The following RYR3 variants were observed in gnomAD, a reference collection of about 807,000 sequenced individuals.
The protein encoded by RYR3 is ryanodine receptor 3, also known as brain ryanodine receptor-calcium release channel.
A neutral mutation model predicts 584.3 loss-of-function variants in RYR3; 207 were observed. That is an observed-to-expected ratio of 0.35 (90% CI 0.32 to 0.40). The LOEUF (loss-of-function observed/expected upper bound fraction) is 0.40. Among genes scored for constraint, RYR3 ranks in the 10% least tolerant of loss-of-function variants. RYR3 has a pLI of 1.00. For missense variants in RYR3, 5,616 were observed against 6,089.2 expected (o/e 0.92, Z 2.59); for synonymous variants, 2,416 against 2,248.5 (o/e 1.07, Z -2.11).
rs566690291 is a variant in RYR3, at chr15:33,381,179, G to A, written c.51+70083G>A. 1.4e-4 allele frequency among the ~76,000 whole-genome samples: 22 copies of A among 152,238 alleles called. No homozygotes were observed. The South Asian group carries it at 2.5e-3, about 17-fold the overall frequency. On this transcript the variant is annotated intron_variant, in intron 1 of 103. Coordinates refer to ENST00000634891, the MANE Select transcript of RYR3 (RefSeq NM_001036.6). ...CCTCAGTTTGCTATCATCTGGTTCC[G>A]CCAATGTTTCCAACGCCTTCCTGCT...
At chr15:33,695,490 T>TC (rs1472636342) in intron 38 of RYR3, among the ~76,000 whole-genome samples, 1 of 152,148 alleles carries the variant, frequency 6.6e-6, no homozygotes, top group African/African-American at 2.4e-5. Flanking sequence ...GTGGTTTTTT[T>TC]CTCTTGATGC....
intron 16 of RYR3, among the ~76,000 whole-genome samples, chr15:33,598,587 ATG>A (rs2059504722): frequency 1.3e-5 from 2 of 151,742 alleles, no homozygotes; most frequent in Non-Finnish European, 2.9e-5. Flanking sequence ...TTACCTAGTG[ATG>A]GGTCTTAGGC....
In RYR3 at chr15:33,631,189, TCTC is replaced by T; in HGVS notation, c.2784-18_2784-16del. 3 of 1,497,848 alleles carry T rather than the reference TCTC, an allele frequency of 2.0e-6. No homozygotes were observed. In the South Asian group the frequency reaches 3.6e-5, roughly 18 times the overall value. 92.8% of individuals were successfully genotyped at this position (1,497,848 alleles called of 1,614,324 possible). A position where few individuals can be genotyped will look rare whatever the true frequency, so the allele number is the denominator to read the frequency against. The stretch of plus-strand genomic sequence containing the variant: ...CTAACACTGCAGTTAACCTTAGTCT[TCTC>T]CTTCTGTTGTGTCACAGAACCCTCT... On this transcript the variant is annotated intron_variant, in intron 22 of 103. Coordinates refer to ENST00000634891, the MANE Select transcript of RYR3 (RefSeq NM_001036.6).
chr15:33,545,912 G>T (rs563867769), intron 8 of RYR3, among the ~76,000 whole-genome samples: 7 of 152,146 alleles, frequency 4.6e-5, no homozygotes, highest in Non-Finnish European at 1.0e-4. Context: ...ACCCAGAGTG[G>T]AAACCCAAGA....
chr15:33,589,297 T>G (rs1595731566), intron 16 of RYR3, among the ~76,000 whole-genome samples: 1 of 152,204 alleles, frequency 6.6e-6, no homozygotes, highest in Non-Finnish European at 1.5e-5. Context: ...CACTTTTTAA[T>G]GGGATTATTT....
At position 33,757,546 on chromosome 15, in the gene RYR3, C is replaced by T; in HGVS notation, c.8655C>T (p.Pro2885=). Residue 2885 remains proline, a synonymous_variant, in exon 60 of 104, where the codon CCC becomes CCT. Transcript: ENST00000634891. The part of the protein sequence containing the change: ...CLYFLSSPLK[P]LSSSGYASHK... The stretch of plus-strand genomic sequence containing the variant: ...ACTTCTTGTCATCCCCTCTGAAGCC[C>T]CTTAGCAGCAGCGGATATGCCTCCC... 1 of 1,611,598 alleles carries T rather than the reference C, an allele frequency of 6.2e-7. No individual in the cohort carries two copies. Among genetic ancestry groups the T allele is most frequent in the Non-Finnish European group, 8.5e-7 (1 of 1,179,184 alleles).
At chr15:33,848,483 TC>T in intron 94 of RYR3, 62 bp downstream of exon 94, 1 of 1,529,666 alleles carries the variant, frequency 6.5e-7, no homozygotes, top group Non-Finnish European at 8.8e-7. Flanking sequence ...ATAGAGTAAC[TC>T]TTTCCTCCTG....
chr15:33,779,839 A>T (rs1423331114), intron 64 of RYR3, among the ~76,000 whole-genome samples: 1 of 21,460 alleles, frequency 4.7e-5, no homozygotes, highest in Non-Finnish European at 1.2e-4. Context: ...CGTCTCTACT[A>T]AAAAAAAAAA....
intron 67 of RYR3, among the ~76,000 whole-genome samples, chr15:33,792,514 C>T (rs1244344620): frequency 6.6e-6 from 1 of 152,180 alleles, no homozygotes; most frequent in Non-Finnish European, 1.5e-5. Flanking sequence ...CTGTGTGTCC[C>T]AGTTCACCAT....
At chr15:33,436,499 T>C (rs2045738307) in intron 1 of RYR3, among the ~76,000 whole-genome samples, 8 of 150,786 alleles carry the variant, frequency 5.3e-5, no homozygotes, top group Admixed American at 3.3e-4. Flanking sequence ...TGAAACCATA[T>C]TCTTTTTTTT....
intron 1 of RYR3, among the ~76,000 whole-genome samples, chr15:33,419,282 T>C (rs1168703126): frequency 6.6e-6 from 1 of 152,134 alleles, no homozygotes; most frequent in Non-Finnish European, 1.5e-5. Flanking sequence ...CTTTTAGTAA[T>C]AGAGGCCAAG....
At chr15:33,521,313 T>C (rs1216768778) in intron 3 of RYR3, among the ~76,000 whole-genome samples, 1 of 152,210 alleles carries the variant, frequency 6.6e-6, no homozygotes, top group East Asian at 1.9e-4. Context: ...ACTGAGAATT[T>C]ACACCTTCTC....
chr15:33,599,641 C>A (rs780752365), intron 16 of RYR3, among the ~76,000 whole-genome samples: 1 of 152,152 alleles, frequency 6.6e-6, no homozygotes, highest in Non-Finnish European at 1.5e-5. Flanking sequence ...CTGAATAGAA[C>A]GGGAGGCAGG....
chr15:33,861,907 G>C (rs1034530447), intron 102 of RYR3, among the ~76,000 whole-genome samples: 13 of 152,048 alleles, frequency 8.5e-5, no homozygotes, highest in African/African-American at 2.9e-4. Flanking sequence ...ACAGGTGTGA[G>C]CCACTGTGCC....
In RYR3 at chr15:33,334,880, G is replaced by A. The variant is rs572876367; in HGVS notation, c.51+23784G>A. Among the ~76,000 whole-genome samples the A allele has an allele frequency of 1.2e-3, 189 of 151,588 alleles. 2 individuals are homozygous for A. The highest frequency in any genetic ancestry group is 2.0e-3 in the Admixed American group (31 of 15,230). ...CAGTGGGCAAAGCACATGAACAGAC[G>A]CTTCTCCAAAAGAAGACATACATGC... On this transcript the variant is annotated intron_variant, in intron 1 of 103. Transcript: ENST00000634891.
intron 83 of RYR3, 81 bp downstream of exon 83, chr15:33,826,350 T>A (rs2077379661): frequency 5.0e-6 from 7 of 1,412,276 alleles, no homozygotes; most frequent in Non-Finnish European, 7.0e-6. Flanking sequence ...CACAGAAACA[T>A]TTTAGGCTTG....
At chr15:33,684,213 A>C (rs2064832309) in intron 38 of RYR3, among the ~76,000 whole-genome samples, 1 of 152,290 alleles carries the variant, frequency 6.6e-6, no homozygotes, top group South Asian at 2.1e-4. Flanking sequence ...ATGTAGCCTA[A>C]CTGGGAGACA....
Position 33,811,231 on chromosome 15 carries a change from C to T in RYR3, c.10257+194C>T, listed in dbSNP as rs955624408. 9.2e-5 allele frequency among the ~76,000 whole-genome samples: 14 copies of T among 151,984 alleles called. No individual in the cohort carries two copies. The South Asian group carries it at 1.5e-3, about 16-fold the overall frequency. On this transcript the variant is annotated intron_variant, in intron 72 of 103. Coordinates refer to ENST00000634891, the MANE Select transcript of RYR3 (RefSeq NM_001036.6). ...AAAAATTTACTGGTACATGGCTGGG[C>T]GCGGTGGCTCACACCTGTAATCCCA...
chr15:33,807,747 C>A lies in RYR3; in HGVS notation c.10026+178C>A. The A allele has an allele frequency of 6.1e-6, 4 of 654,400 alleles. No individual in the cohort carries two copies. In the South Asian group the frequency reaches 7.7e-5, roughly 13 times the overall value. 40.5% of individuals were successfully genotyped at this position (654,400 alleles called of 1,614,324 possible). The stretch of plus-strand genomic sequence containing the variant: ...TGTCAAAGAGTGAATGTAGGCCTAC[C>A]CACCCTTGGAATGGGGAAGCCGGGG... On this transcript the variant is annotated intron_variant, in intron 70 of 103. Coordinates refer to ENST00000634891, the MANE Select transcript of RYR3 (RefSeq NM_001036.6).
Sources: allele counts gnomAD v4.1 joint callset (sites outside exome capture counted in the v4.1 genomes callset), GRCh38; gene constraint gnomAD v4.1.1; transcripts MANE v1.5; gene names NCBI Gene and HGNC (gene_info 2026-07-23, HGNC 2026-07-21).